ASB1: variants seen among roughly 807,000 people sequenced by gnomAD.
ASB1 encodes the protein ankyrin repeat and SOCS box protein 1.
A neutral mutation model predicts 27.7 loss-of-function variants in ASB1; 18 were observed. The observed-to-expected ratio is 0.65, with a 90% CI of 0.45 to 0.96. The LOEUF is 0.96. ASB1 is among the 50% of genes least tolerant of loss of function. The probability of loss-of-function intolerance (pLI) is 0.00; values close to 1 mark genes in which losing one functional copy is unlikely to be tolerated. For synonymous variants in ASB1, 189 were observed against 187.6 expected, an observed-to-expected ratio of 1.01 and a Z score of -0.06; for missense variants, 397 against 451.7, an observed-to-expected ratio of 0.88 and a Z score of 1.10.
At chr2:238,445,141 G>C (rs916633202) in intron 4 of ASB1, among the ~76,000 whole-genome samples, 1 of 151,784 alleles carries the variant, frequency 6.6e-6, no homozygotes, top group Non-Finnish European at 1.5e-5. Context: ...ACCATGCCCA[G>C]CTAATTTTTG....
Position 238,448,689 on chromosome 2 carries a change from C to A in ASB1, c.*2178C>A. On this transcript the variant is annotated 3_prime_UTR_variant, in exon 5 of 5. Transcript: ENST00000264607. ...TATTGAACCTTTTGGGAAGCAGCAC[C>A]TGGGAATGCTGCCTCGTGGGAGTCC... The A allele has an allele frequency of 6.6e-6, 1 of 152,538 alleles. No homozygotes were observed. The highest frequency in any genetic ancestry group is 1.5e-5 in the Non-Finnish European group (1 of 68,178). 9.4% of individuals were successfully genotyped at this position (152,538 alleles called of 1,614,324 possible).
chr2:238,434,942 C>T (rs551441156), intron 2 of ASB1, among the ~76,000 whole-genome samples: 6 of 152,356 alleles, frequency 3.9e-5, no homozygotes, highest in South Asian at 2.1e-4. Flanking sequence ...GCGCAGCTGG[C>T]GGAGGAGCCC....
intron 3 of ASB1, among the ~76,000 whole-genome samples, chr2:238,443,117 T>C (rs970805871): frequency 1.3e-5 from 2 of 152,206 alleles, no homozygotes; most frequent in Non-Finnish European, 2.9e-5. Flanking sequence ...AGTAATGACA[T>C]TTTCATTTAT....
intron 4 of ASB1, 37 bp downstream of exon 4, chr2:238,444,764 G>T: frequency 6.5e-7 from 1 of 1,540,140 alleles, no homozygotes; most frequent in South Asian, 1.2e-5. Context: ...TTGTGGGCTG[G>T]GTTGATTGAA....
At chr2:238,442,556 T>C (rs1702098890) in intron 3 of ASB1, among the ~76,000 whole-genome samples, 2 of 152,262 alleles carry the variant, frequency 1.3e-5, no homozygotes, top group South Asian at 2.1e-4. Context: ...GTCATGCTTA[T>C]GCTATGCAAG....
chr2:238,435,049 C>G (rs555504514), intron 2 of ASB1: 1 of 152,050 alleles, frequency 6.6e-6, no homozygotes, highest in African/African-American at 2.4e-5. Context: ...ACTGGGAGCT[C>G]GCTGTGAACC....
At position 238,444,714 on chromosome 2, in the gene ASB1, T is replaced by C. The variant is rs1359208324; in HGVS notation, c.867T>C (p.Phe289=). 5.0e-6 allele frequency: 8 copies of C among 1,610,756 alleles called. No homozygotes were observed. Among genetic ancestry groups the C allele is most frequent in the Non-Finnish European group, 6.8e-6 (8 of 1,178,324 alleles). Residue 289 remains phenylalanine, a synonymous_variant, in exon 4 of 5, where the codon TTT becomes TTC. Transcript: ENST00000264607. ...RKVDPEALQV[F]KEARSVPRTL... is the part of the protein sequence containing the mutation. ...TGGACCCTGAGGCCTTGCAGGTCTT[T>C]AAAGAGGCCAGAAGTAAGTGGCTTG...
chr2:238,440,387 G>T (rs1702056211), intron 3 of ASB1, among the ~76,000 whole-genome samples: 1 of 152,122 alleles, frequency 6.6e-6, no homozygotes, highest in African/African-American at 2.4e-5. Flanking sequence ...TTTAATCCAG[G>T]CTCATGCCAC....
At chr2:238,428,680 A>C (rs1701809667) in intron 1 of ASB1, among the ~76,000 whole-genome samples, 1 of 152,202 alleles carries the variant, frequency 6.6e-6, no homozygotes, top group Admixed American at 6.5e-5. Flanking sequence ...ACAGATTTTC[A>C]GTTGAAGCTT....
chr2:238,437,171 C>A (rs868581560), intron 3 of ASB1, among the ~76,000 whole-genome samples: 121 of 152,102 alleles, frequency 8.0e-4, no homozygotes, highest in African/African-American at 2.8e-3. Flanking sequence ...CATTTGATAT[C>A]TTTTCTTCTT....
Position 238,446,582 on chromosome 2 carries a change from G to C in ASB1, c.*71G>C. ...CAGGGAGGTGGACACCGAGCCCTGA[G>C]TGCTGTGCTGCTGCTGGTCTCCTGA... On this transcript the variant is annotated 3_prime_UTR_variant, in exon 5 of 5. Coordinates refer to ENST00000264607, the MANE Select transcript of ASB1 (RefSeq NM_001040445.3). 6.3e-7 allele frequency: 1 copy of C among 1,575,630 alleles called. No homozygotes were observed. The highest frequency in any genetic ancestry group is 8.7e-7 in the Non-Finnish European group (1 of 1,155,978).
intron 4 of ASB1, among the ~76,000 whole-genome samples, chr2:238,444,979 CTTT>C (rs34563680): frequency 1.9e-4 from 22 of 117,878 alleles, no homozygotes; most frequent in African/African-American, 5.2e-4. Flanking sequence ...CTCGCGCTCT[CTTT>C]TTTTTTTTTT....
intron 3 of ASB1, among the ~76,000 whole-genome samples, chr2:238,436,868 C>T (rs1701983143): frequency 6.6e-6 from 1 of 151,712 alleles, no homozygotes; most frequent in South Asian, 2.1e-4. Context: ...CATTTTTTCC[C>T]CTTGTACTTT....
chr2:238,430,765 G>T (rs1701855912), intron 1 of ASB1, among the ~76,000 whole-genome samples: 1 of 152,212 alleles, frequency 6.6e-6, no homozygotes, highest in African/African-American at 2.4e-5. Flanking sequence ...TGTGTTCGCA[G>T]GCATGAAAAC....
At chr2:238,445,153 G>GT (rs1702155511) in intron 4 of ASB1, among the ~76,000 whole-genome samples, 1 of 151,684 alleles carries the variant, frequency 6.6e-6, no homozygotes, top group African/African-American at 2.4e-5. Context: ...TAATTTTTGG[G>GT]TTTTTTGTAG....
chr2:238,428,359 C>T (rs536415), intron 1 of ASB1, among the ~76,000 whole-genome samples: 70,855 of 152,066 alleles, frequency 0.47, 18,432 homozygotes, highest in Middle Eastern at 0.63. Context: ...GGCGTGATCT[C>T]GGCCCACTGC....
rs1702264276 is a variant in ASB1 at position 238,450,611 on chromosome 2, C to G, written c.*4100C>G. On this transcript the variant is annotated 3_prime_UTR_variant, in exon 5 of 5. Coordinates refer to ENST00000264607, the MANE Select transcript of ASB1 (RefSeq NM_001040445.3). ...TGTACGCTGGCAGGCAGCACTGCAG[C>G]ATTTCTGCTGCTCATGGCCAAGAAC... is the stretch of plus-strand genomic sequence containing the variant. 1 of 152,292 alleles carries G rather than the reference C, an allele frequency of 6.6e-6. No individual in the cohort carries two copies. Among genetic ancestry groups the G allele is most frequent in the Non-Finnish European group, 1.5e-5 (1 of 68,076 alleles). 9.4% of individuals were successfully genotyped at this position (152,292 alleles called of 1,614,324 possible). A position where few individuals can be genotyped will look rare whatever the true frequency, so the allele number is the denominator to read the frequency against.
chr2:238,442,067 G>A (rs1702088142), intron 3 of ASB1, among the ~76,000 whole-genome samples: 2 of 152,028 alleles, frequency 1.3e-5, no homozygotes, highest in South Asian at 4.2e-4. Flanking sequence ...TCCGAGTGAG[G>A]CTGAGTGTGT....
At chr2:238,443,381 A>G (rs1047617033) in intron 3 of ASB1, among the ~76,000 whole-genome samples, 4 of 152,224 alleles carry the variant, frequency 2.6e-5, no homozygotes, top group Admixed American at 1.3e-4. Flanking sequence ...TGCTACTTCA[A>G]TAAGTTCTCT....
Sources: allele counts gnomAD v4.1 joint callset (sites outside exome capture counted in the v4.1 genomes callset), GRCh38; gene constraint gnomAD v4.1.1; transcripts MANE v1.5; gene names NCBI Gene and HGNC (gene_info 2026-07-23, HGNC 2026-07-21).